KANSL1: variants seen among roughly 807,000 people sequenced by gnomAD.
KANSL1 encodes the protein MLL1/MLL complex subunit KANSL1.
Under a neutral mutation model 103.6 loss-of-function variants are expected in KANSL1, and 22 were observed. The observed-to-expected ratio is 0.21, with a 90% CI of 0.15 to 0.30. KANSL1 has a LOEUF of 0.30. Among genes scored for constraint, KANSL1 ranks in the 10% least tolerant of loss-of-function variants. The pLI is 1.00. For missense variants in KANSL1, 1,337 were observed against 1,399.8 expected, an observed-to-expected ratio of 0.96 and a Z score of 0.72; for synonymous variants, 600 against 527.6, an observed-to-expected ratio of 1.14 and a Z score of -1.88.
intron 2 of KANSL1, among the ~76,000 whole-genome samples, chr17:46,101,496 A>G (rs1379834714): frequency 6.6e-6 from 1 of 152,196 alleles, no homozygotes; most frequent in African/African-American, 2.4e-5. Flanking sequence ...TCAGGCCTGT[A>G]ATCCCAGCAC....
chr17:46,077,503 C>T (rs1198784788), intron 4 of KANSL1, among the ~76,000 whole-genome samples: 2 of 152,094 alleles, frequency 1.3e-5, no homozygotes, highest in African/African-American at 4.8e-5. Flanking sequence ...TTGATTTTCA[C>T]GATTTTTACT....
Position 46,032,311 on chromosome 17 carries a change from G to A in KANSL1, c.2838-12C>T. On this transcript the variant is annotated splice_polypyrimidine_tract_variant and intron_variant, in intron 13 of 14. Coordinates refer to ENST00000432791, the MANE Select transcript of KANSL1 (RefSeq NM_015443.4). Reference sequence around the variant, plus strand: ...ATGACCTGTAGGACCTGCACACCAAGGAATGCAAATCTGAGTGCCTGGGAA... The same window carrying A: ...ATGACCTGTAGGACCTGCACACCAAAGAATGCAAATCTGAGTGCCTGGGAA... 6.7e-7 allele frequency: 1 copy of A among 1,497,866 alleles called. No homozygotes were observed. Among genetic ancestry groups the A allele is most frequent in the East Asian group, 2.3e-5 (1 of 43,124 alleles). The allele number at this position is 1,497,866 out of a possible 1,614,324, so 92.8% of individuals were successfully genotyped here.
intron 4 of KANSL1, among the ~76,000 whole-genome samples, chr17:46,080,033 G>C (rs1000239392): frequency 3.3e-5 from 5 of 151,704 alleles, no homozygotes; most frequent in Admixed American, 6.6e-5. Flanking sequence ...GACAGAGAGA[G>C]AGAGAAAGAA....
chr17:46,050,193 G>A, intron 7 of KANSL1: 3 of 236,290 alleles, frequency 1.3e-5, no homozygotes, highest in South Asian at 7.7e-5. Context: ...TGGGATTACA[G>A]GCGTGACCCA....
chr17:46,067,629 G>T lies in KANSL1; in HGVS notation c.1572C>A (p.Ala524=). ...SVSQPLENHG[A]PIIGHISESL... ...ACTCTGAAATATGACCAATAATAGG[G>T]GCACCATGGTTTTCCAATGGCTGAG... is the stretch of plus-strand genomic sequence containing the variant. Residue 524 remains alanine, a synonymous_variant, in exon 5 of 15, where the codon GCC becomes GCA. Coordinates refer to ENST00000432791, the MANE Select transcript of KANSL1 (RefSeq NM_015443.4). 6.2e-7 allele frequency: 1 copy of T among 1,605,214 alleles called. No homozygotes were observed. The highest frequency in any genetic ancestry group is 8.5e-7 in the Non-Finnish European group (1 of 1,172,056).
chr17:46,164,121 CTT>C (rs66996476), intron 2 of KANSL1, among the ~76,000 whole-genome samples: 18,531 of 150,060 alleles, frequency 0.12, 21 homozygotes, highest in Middle Eastern at 0.19. Flanking sequence ...TCTGTTATCT[CTT>C]GTGTCTTACA....
At chr17:46,193,898 G>A (rs990256559), upstream of KANSL1, 4 of 155,748 alleles carry the variant, frequency 2.6e-5, no homozygotes, top group South Asian at 3.3e-4. Flanking sequence ...AAGGCCGTCG[G>A]CACCACACTA....
chr17:46,142,853 T>C (rs1278283117), intron 2 of KANSL1, among the ~76,000 whole-genome samples: 1 of 152,234 alleles, frequency 6.6e-6, no homozygotes, highest in East Asian at 1.9e-4. Flanking sequence ...TGTAGTCTTC[T>C]GAATTGTTCA....
At position 46,165,889 on chromosome 17, in the gene KANSL1, G is replaced by A. The variant is rs527856508; in HGVS notation, c.1289+4966C>T. Among the ~76,000 whole-genome samples the A allele has an allele frequency of 3.3e-5, 5 of 152,206 alleles. No homozygotes were observed. The South Asian group carries it at 1.0e-3, about 32-fold the overall frequency. The stretch of plus-strand genomic sequence containing the variant: ...ACACTAGTAATTCATTTTACCATGA[G>A]GTCTTCATAAACTCCAAGAGGATAA... On this transcript the variant is annotated intron_variant, in intron 2 of 14. Transcript: ENST00000432791.
chr17:46,175,223 A>C (rs1232710128), intron 1 of KANSL1, among the ~76,000 whole-genome samples: 2 of 152,154 alleles, frequency 1.3e-5, no homozygotes, highest in Non-Finnish European at 2.9e-5. Flanking sequence ...AATTTGAATC[A>C]TTAACATAAA....
At chr17:46,062,158 C>T (rs1367433645) in intron 6 of KANSL1, among the ~76,000 whole-genome samples, 1 of 150,268 alleles carries the variant, frequency 6.7e-6, no homozygotes, top group African/African-American at 2.4e-5. Context: ...ATTTACCTCC[C>T]CCAAAATAGC....
intron 3 of KANSL1, among the ~76,000 whole-genome samples, chr17:46,086,801 A>G (rs994987866): frequency 3.3e-5 from 5 of 152,158 alleles, no homozygotes; most frequent in Non-Finnish European, 2.9e-5. Flanking sequence ...AAAAACAATA[A>G]TAATAAAAAT....
At position 46,185,736 on chromosome 17, in the gene KANSL1, G is replaced by GACACAC. The variant is rs2047001777; in HGVS notation, c.-90+7086_-90+7087insGTGTGT. 2.7e-5 allele frequency among the ~76,000 whole-genome samples: 3 copies of GACACAC among 110,940 alleles called. No individual in the cohort carries two copies. In the South Asian group the frequency reaches 1.0e-3, roughly 38 times the overall value. The allele number at this position is 110,940 out of a possible 152,430, so 72.8% of individuals were successfully genotyped here. ...ACACACACACACACACACACACACG[G>GACACAC]ATAGGCTAGGCCCCATGGCTCATGC... On this transcript the variant is annotated intron_variant, in intron 1 of 14. Transcript: ENST00000432791.
At chr17:46,207,733 T>C (rs2048019075) in intron 1 of KANSL1, among the ~76,000 whole-genome samples, 1 of 152,178 alleles carries the variant, frequency 6.6e-6, no homozygotes, top group Non-Finnish European at 1.5e-5. Flanking sequence ...ATCCCAACAC[T>C]TTGGGAGGCC....
intron 2 of KANSL1, among the ~76,000 whole-genome samples, chr17:46,127,673 G>A (rs774039812): frequency 3.3e-5 from 5 of 152,078 alleles, no homozygotes; most frequent in African/African-American, 1.2e-4. Context: ...AGCTACTTGG[G>A]AGGCTGAGGT....
At chr17:46,142,160 C>A (rs143458931) in intron 2 of KANSL1, among the ~76,000 whole-genome samples, 2 of 152,282 alleles carry the variant, frequency 1.3e-5, no homozygotes, top group African/African-American at 4.8e-5. Context: ...CTATTAGTGT[C>A]TGGAAGGATG....
intron 6 of KANSL1, among the ~76,000 whole-genome samples, chr17:46,063,351 A>C (rs2078249089): frequency 6.6e-6 from 1 of 152,234 alleles, no homozygotes; most frequent in South Asian, 2.1e-4. Context: ...GGGCATTCAA[A>C]AATGCTGTTG....
At chr17:46,123,546 C>T (rs1040093832) in intron 2 of KANSL1, among the ~76,000 whole-genome samples, 1 of 152,134 alleles carries the variant, frequency 6.6e-6, no homozygotes, top group Non-Finnish European at 1.5e-5. Flanking sequence ...CCAGTGAACA[C>T]ACAAATCGTA....
At chr17:46,129,879 C>A (rs1324029507) in intron 2 of KANSL1, among the ~76,000 whole-genome samples, 1 of 152,004 alleles carries the variant, frequency 6.6e-6, no homozygotes, top group Non-Finnish European at 1.5e-5. Context: ...TTAATAGTGA[C>A]CATACATTAG....
Sources: gnomAD v4.1 joint callset for allele counts (sites outside exome capture counted in the v4.1 genomes callset) on GRCh38, gnomAD v4.1.1 for gene constraint, MANE v1.5 for transcripts, NCBI Gene and HGNC (gene_info 2026-07-23, HGNC 2026-07-21) for gene names.